TAFA5: variants seen among roughly 807,000 people sequenced by gnomAD.
The protein encoded by TAFA5 is TAFA chemokine like family member 5.
TAFA5 carries 6 observed loss-of-function variants against 15.3 expected under a neutral mutation model. The ratio of observed to expected loss-of-function variants is 0.39; its 90% CI spans 0.21 to 0.77. The LOEUF (loss-of-function observed/expected upper bound fraction) is 0.77. Ranked by LOEUF, TAFA5 falls within the 30% of genes least tolerant of loss-of-function variation. The pLI, the probability that TAFA5 is intolerant of heterozygous loss-of-function variation, is 0.41. For synonymous variants in TAFA5, 103 were observed against 80.7 expected (o/e 1.28, Z -1.48); for missense variants, 161 against 193.1 (o/e 0.83, Z 0.98).
intron 1 of TAFA5, among the ~76,000 whole-genome samples, chr22:48,536,650 C>T (rs1922176331): frequency 6.6e-6 from 1 of 152,248 alleles, no homozygotes; most frequent in African/African-American, 2.4e-5. Context: ...TCCATGTCAA[C>T]AGCATGCCTG....
intron 3 of TAFA5, among the ~76,000 whole-genome samples, chr22:48,727,030 G>A (rs149587346): frequency 6.6e-6 from 1 of 152,212 alleles, no homozygotes; most frequent in East Asian, 1.9e-4. Flanking sequence ...TTGCTATCAG[G>A]TACATTTATC....
intron 1 of TAFA5, among the ~76,000 whole-genome samples, chr22:48,542,468 GTA>G (rs1335146328): frequency 8.0e-5 from 8 of 100,154 alleles, no homozygotes; most frequent in East Asian, 2.7e-4. Flanking sequence ...TGTGTGTTGT[GTA>G]TGTGTGTGTG....
chr22:48,679,701 C>T (rs1469294825), intron 2 of TAFA5, among the ~76,000 whole-genome samples: 2 of 120,438 alleles, frequency 1.7e-5, no homozygotes, highest in Non-Finnish European at 3.4e-5. Flanking sequence ...TCTCCCGTCT[C>T]CCCGTCCATC....
intron 2 of TAFA5, among the ~76,000 whole-genome samples, chr22:48,675,151 A>G (rs1927932872): frequency 6.6e-6 from 1 of 152,212 alleles, no homozygotes; most frequent in South Asian, 2.1e-4. Context: ...CCTGTTGGCC[A>G]GGCTGGTCTC....
chr22:48,544,707 AG>A, intron 1 of TAFA5: 1 of 471,222 alleles, frequency 2.1e-6, no homozygotes, highest in Non-Finnish European at 4.4e-6. Flanking sequence ...CCCGCAGATG[AG>A]GGTGCATGTT....
At chr22:48,724,508 G>A (rs1929660762) in intron 3 of TAFA5, among the ~76,000 whole-genome samples, 1 of 152,208 alleles carries the variant, frequency 6.6e-6, no homozygotes, top group African/African-American at 2.4e-5. Context: ...CTGGATTAAT[G>A]CAGCCACACA....
In TAFA5 at chr22:48,685,097, G is replaced by C. The variant is rs140001301; in HGVS notation, c.263-22620G>C. 3.4e-3 allele frequency among the ~76,000 whole-genome samples: 523 copies of C among 152,270 alleles called. 2 individuals are homozygous for C. The highest frequency in any genetic ancestry group is 0.012 in the African/African-American group (499 of 41,558). ...TGTACGTTGGTTTGGCCTGGGAAAG[G>C]GGAGATCTCCAAGGTGGGGGCTTCC... On this transcript the variant is annotated intron_variant, in intron 2 of 3. Transcript: ENST00000402357.
At chr22:48,680,501 T>C (rs1395928906) in intron 2 of TAFA5, among the ~76,000 whole-genome samples, 1 of 150,326 alleles carries the variant, frequency 6.7e-6, no homozygotes, top group Admixed American at 6.6e-5. Context: ...GGCAGCACAC[T>C]GAGAGGGGCC....
chr22:48,592,351 C>A (rs1924599326), intron 1 of TAFA5, among the ~76,000 whole-genome samples: 1 of 152,214 alleles, frequency 6.6e-6, no homozygotes, highest in Non-Finnish European at 1.5e-5. Context: ...GGCTGTGTTC[C>A]CCATGCCCTG....
At chr22:48,510,866 CT>C (rs1173955095) in intron 1 of TAFA5, among the ~76,000 whole-genome samples, 1 of 152,126 alleles carries the variant, frequency 6.6e-6, no homozygotes, top group Non-Finnish European at 1.5e-5. Context: ...ATTTGATAGA[CT>C]TCCTTCCCAC....
intron 3 of TAFA5, among the ~76,000 whole-genome samples, chr22:48,719,416 G>A (rs1414830522): frequency 6.6e-6 from 1 of 152,228 alleles, no homozygotes; most frequent in South Asian, 2.1e-4. Flanking sequence ...GGAACTGGAG[G>A]GAGAGGGAGG....
intron 3 of TAFA5, among the ~76,000 whole-genome samples, chr22:48,738,349 GGGGCCCCCA>G (rs1382968807): frequency 1.3e-5 from 2 of 152,144 alleles, no homozygotes; most frequent in African/African-American, 4.8e-5. Context: ...AACCCACATG[GGGGCCCCCA>G]GGTCAGACAC....
At chr22:48,561,390 C>T (rs551323300) in intron 1 of TAFA5, among the ~76,000 whole-genome samples, 32 of 152,168 alleles carry the variant, frequency 2.1e-4, no homozygotes, top group South Asian at 1.7e-3. Flanking sequence ...CAAGGCTGTT[C>T]CAGGGTGTGC....
intron 1 of TAFA5, among the ~76,000 whole-genome samples, chr22:48,604,608 T>C (rs536769062): frequency 6.6e-6 from 1 of 152,328 alleles, no homozygotes; most frequent in Non-Finnish European, 1.5e-5. Context: ...GTCCTCTTGC[T>C]TTGTTTTCGA....
chr22:48,746,806 C>A (rs2147277998), intron 3 of TAFA5, among the ~76,000 whole-genome samples: 1 of 152,294 alleles, frequency 6.6e-6, no homozygotes, highest in South Asian at 2.1e-4. Context: ...GGATGGCAGC[C>A]TGCTTCCTCA....
chr22:48,542,663 T>TGTGTGTGTGGG (rs1569019383), intron 1 of TAFA5, among the ~76,000 whole-genome samples: 2 of 76,918 alleles, frequency 2.6e-5, no homozygotes, highest in East Asian at 3.6e-4. Flanking sequence ...GTGTGTGTGG[T>TGTGTGTGTGGG]GTGTGTGTGA....
intron 1 of TAFA5, among the ~76,000 whole-genome samples, chr22:48,575,146 T>C (rs1036528040): frequency 6.6e-5 from 10 of 152,036 alleles, no homozygotes; most frequent in Admixed American, 6.5e-4. Flanking sequence ...CTGTCTCTCC[T>C]GGGGCCTTGG....
intron 1 of TAFA5, among the ~76,000 whole-genome samples, chr22:48,613,425 C>T (rs985028541): frequency 3.4e-4 from 51 of 152,094 alleles, no homozygotes; most frequent in Non-Finnish European, 5.9e-4. Flanking sequence ...CGGGCCCTGC[C>T]GTCTCTGCCT....
At chr22:48,492,522 C>T (rs1382268823) in intron 1 of TAFA5, among the ~76,000 whole-genome samples, 1 of 152,118 alleles carries the variant, frequency 6.6e-6, no homozygotes, top group Admixed American at 6.6e-5. Flanking sequence ...CTTTCTTTCT[C>T]GTGTGCTGGG....
Sources: allele counts gnomAD v4.1 joint callset (sites outside exome capture counted in the v4.1 genomes callset), GRCh38; gene constraint gnomAD v4.1.1; transcripts MANE v1.5; gene names NCBI Gene and HGNC (gene_info 2026-07-23, HGNC 2026-07-21).